MCM8: variants seen among roughly 807,000 people sequenced by gnomAD.
MCM8 encodes the protein minichromosome maintenance 8 homologous recombination repair factor.
In MCM8, 85 loss-of-function variants were observed where a neutral mutation model predicts 98.9. The observed-to-expected ratio is 0.86, with a 90% confidence interval of 0.72 to 1.03. The LOEUF (loss-of-function observed/expected upper bound fraction) is 1.03, where lower values mean the gene tolerates loss of function less well. MCM8 is among the 50% of genes least tolerant of loss of function. MCM8 has a pLI of 0.00. For synonymous variants in MCM8, 352 were observed against 338.6 expected, an observed-to-expected ratio of 1.04 and a Z score of -0.44; for missense variants, 951 against 997.8, an observed-to-expected ratio of 0.95 and a Z score of 0.63.
At chr20:5,963,841 G>A (rs1348617559) in intron 8 of MCM8, among the ~76,000 whole-genome samples, 1 of 152,060 alleles carries the variant, frequency 6.6e-6, no homozygotes, top group African/African-American at 2.4e-5. Flanking sequence ...TAGCCTAATT[G>A]TCTTTATTTG....
intron 17 of MCM8, chr20:5,991,043 C>T (rs1600314113): frequency 6.6e-6 from 1 of 152,218 alleles, no homozygotes; most frequent in East Asian, 1.9e-4. Context: ...AAGGGGTACA[C>T]TACCCTGCTC....
chr20:5,968,005 C>T lies in MCM8; in HGVS notation c.1203C>T (p.Asn401=), dbSNP rs760889339. Residue 401 remains asparagine (N), a synonymous_variant, in exon 10 of 19, where the codon AAC becomes AAT. Transcript: ENST00000610722. Reference sequence around the variant, plus strand: ...TCCAAGAGATTCAAGCTGAAGAAAACCTGTTTAAACTCATTGTCAAGTATG... The same window carrying T: ...TCCAAGAGATTCAAGCTGAAGAAAATCTGTTTAAACTCATTGTCAAGTATG... The part of the protein sequence containing the change: ...YAIQEIQAEE[N]LFKLIVNSLC... 5 of 1,609,658 alleles carry T rather than the reference C, an allele frequency of 3.1e-6. No individual in the cohort carries two copies. Among genetic ancestry groups the T allele is most frequent in the Non-Finnish European group, 3.4e-6 (4 of 1,178,658 alleles).
At position 5,985,991 on chromosome 20, in the gene MCM8, C is replaced by T. The variant is rs1445586485; in HGVS notation, c.2023C>T (p.Gln675Ter). 6.2e-7 allele frequency: 1 copy of T among 1,614,216 alleles called. No homozygotes were observed. The highest frequency in any genetic ancestry group is 8.5e-7 in the Non-Finnish European group (1 of 1,180,034). ...LLRKYIGYARQYVYPRLSTEA... is the reference protein window; with the variant it reads ...LLRKYIGYAR ...GAGAAAGTACATTGGCTATGCTCGG[C>T]AGTATGTGTACCCAAGGCTATCCAC... Residue 675 changes from glutamine to a stop codon, truncating the protein, a stop_gained, in exon 16 of 19, where the codon CAG becomes TAG. Transcript: ENST00000610722. LOFTEE classifies it high-confidence loss of function.
chr20:5,964,154 TTGTG>T (rs1187998339), intron 8 of MCM8, among the ~76,000 whole-genome samples: 33 of 152,068 alleles, frequency 2.2e-4, no homozygotes, highest in African/African-American at 7.7e-4. Context: ...AGAGTTTTCT[TTGTG>T]TATGTGTTTT....
At chr20:5,972,939 T>G (rs578054938) in intron 11 of MCM8, 117 bp from the exon 12 acceptor site, 2 of 1,374,478 alleles carry the variant, frequency 1.5e-6, no homozygotes, top group African/African-American at 1.5e-5. Flanking sequence ...AAAAAAATTA[T>G]CATGCTTTTA....
rs1368552507 is a variant in MCM8 at position 5,996,784 on chromosome 20, G to A, written c.*2393G>A. ...ATGTATTTAGCATCCATTAATCACA[G>A]GGCCAAACTAACAACAAAAGTTGTT... On this transcript the variant is annotated 3_prime_UTR_variant, in exon 19 of 19. Transcript: ENST00000610722. The A allele has an allele frequency of 6.6e-6, 1 of 152,200 alleles. No individual in the cohort carries two copies. Among genetic ancestry groups the A allele is most frequent in the Non-Finnish European group, 1.5e-5 (1 of 68,042 alleles). 9.4% of individuals were successfully genotyped at this position (152,200 alleles called of 1,614,324 possible).
At chr20:5,980,344 C>T (rs1162414180) in intron 13 of MCM8, among the ~76,000 whole-genome samples, 1 of 152,098 alleles carries the variant, frequency 6.6e-6, no homozygotes, top group Non-Finnish European at 1.5e-5. Context: ...TTTTCAGTGC[C>T]ATACTCGGCA....
chr20:5,964,119 CTTT>C (rs11478703), intron 8 of MCM8, among the ~76,000 whole-genome samples: 18 of 123,982 alleles, frequency 1.5e-4, no homozygotes, highest in Non-Finnish European at 2.3e-4. Context: ...TTTTTAATAG[CTTT>C]TTTTTTTTTT....
intron 16 of MCM8, 113 bp from the exon 17 acceptor site, chr20:5,987,169 T>C: frequency 9.9e-7 from 1 of 1,007,680 alleles, no homozygotes; most frequent in Non-Finnish European, 1.5e-6. Context: ...GTTATAACCT[T>C]CCTCGCCTAA....
In MCM8 at chr20:5,958,676, G is replaced by C. The variant is rs763340273; in HGVS notation, c.739G>C (p.Glu247Gln). The C allele has an allele frequency of 2.5e-6, 4 of 1,614,008 alleles. No homozygotes were observed. The African/African-American group carries it at 5.3e-5, about 22-fold the overall frequency. ...GGCTTTTCTTTGTGCTGCATGTGGAGAAATTCAGAGCTTTCCTCTTCCAGA... is the reference window on the plus strand; with the variant it reads ...GGCTTTTCTTTGTGCTGCATGTGGACAAATTCAGAGCTTTCCTCTTCCAGA... The part of the protein sequence containing the change: ...KMAFLCAACG[E>Q]IQSFPLPDGK... The change falls in exon 7 of 19, where the codon GAA becomes CAA. Residue 247 changes from glutamate to glutamine, a missense_variant. Glu to Gln is a conservative substitution (Grantham distance 29). Transcript: ENST00000610722.
In MCM8 at chr20:5,967,458, G is replaced by T. The variant is rs747529960; in HGVS notation, c.898G>T (p.Asp300Tyr). The T allele has an allele frequency of 5.0e-6, 8 of 1,613,804 alleles. No individual in the cohort carries two copies. Among genetic ancestry groups the T allele is most frequent in the Non-Finnish European group, 5.9e-6 (7 of 1,179,864 alleles). The change falls in exon 9 of 19, where the codon GAT (aspartate) becomes TAT (tyrosine). Residue 300 changes from aspartate (D) to tyrosine (Y), a missense_variant. Physicochemically the swap from Asp to Tyr is radical, Grantham distance 160. Transcript: ENST00000610722. ...TAGAATCCAGGAATTGATGTCTGAT[G>T]ATCAGAGAGAAGCAGGTCGGATTCC... The part of the protein sequence containing the change: ...SIKIQELMSD[D>Y]QREAGRIPRT...
rs1209865331 is a variant in MCM8, at chr20:5,958,636, T to C, written c.699T>C (p.Pro233=). ...GTVVRVSNIK[P]LCTKMAFLCA... is the part of the protein sequence containing the mutation. ...TGGTTCGTGTCAGTAATATAAAGCCTCTTTGCACCAAGATGGCTTTTCTTT... is the reference window on the plus strand; with the variant it reads ...TGGTTCGTGTCAGTAATATAAAGCCCCTTTGCACCAAGATGGCTTTTCTTT... Residue 233 remains proline, a synonymous_variant, in exon 7 of 19, where the codon CCT becomes CCC. Coordinates refer to ENST00000610722, the MANE Select transcript of MCM8 (RefSeq NM_032485.6). 1 of 1,614,130 alleles carries C rather than the reference T, an allele frequency of 6.2e-7. No homozygotes were observed. The highest frequency in any genetic ancestry group is 1.7e-5 in the Admixed American group (1 of 60,028).
chr20:5,990,598 A>G (rs2089831422), intron 17 of MCM8, among the ~76,000 whole-genome samples: 1 of 152,172 alleles, frequency 6.6e-6, no homozygotes, highest in African/African-American at 2.4e-5. Context: ...GTGTGCTAGC[A>G]TATGAAGTAA....
Position 5,955,158 on chromosome 20 carries a change from TGGTG to T in MCM8, c.394_397del (p.Gly132LysfsTer2), listed in dbSNP as rs1276945255. On this transcript the variant is annotated frameshift_variant, in exon 5 of 19. Coordinates refer to ENST00000610722, the MANE Select transcript of MCM8 (RefSeq NM_032485.6). LOFTEE classifies it high-confidence loss of function. The stretch of plus-strand genomic sequence containing the variant: ...TAGATTTTAAAGAACTGACAGAAGG[TGGTG>T]AAGTAACTAACTTGATACCAGATAT... The T allele has an allele frequency of 6.2e-7, 1 of 1,612,130 alleles. No individual in the cohort carries two copies.
intron 10 of MCM8, 88 bp downstream of exon 10, chr20:5,968,113 G>T (rs1263150115): frequency 4.6e-6 from 5 of 1,080,800 alleles, no homozygotes; most frequent in Non-Finnish European, 6.8e-6. Context: ...AGTCAAAATG[G>T]TCGGCAAACT....
intron 18 of MCM8, 82 bp from the exon 19 acceptor site, chr20:5,994,217 A>T: frequency 1.3e-6 from 1 of 768,702 alleles, no homozygotes; most frequent in Non-Finnish European, 2.0e-6. Context: ...ACAGGTACAT[A>T]TTATTATTTG....
intron 7 of MCM8, among the ~76,000 whole-genome samples, chr20:5,961,301 A>G (rs149927524): frequency 1.5e-4 from 23 of 152,350 alleles, no homozygotes; most frequent in Admixed American, 3.9e-4. Context: ...CCATGGATGT[A>G]TAATGTTTCC....
At position 5,969,362 on chromosome 20, in the gene MCM8, C is replaced by T. The variant is rs1485643692; in HGVS notation, c.1223+1337C>T. Among the ~76,000 whole-genome samples, 6 of 152,134 alleles carry T rather than the reference C, an allele frequency of 3.9e-5. No individual in the cohort carries two copies. In the East Asian group the frequency reaches 7.7e-4, roughly 20 times the overall value. On this transcript the variant is annotated intron_variant, in intron 10 of 18. Transcript: ENST00000610722. The stretch of plus-strand genomic sequence containing the variant: ...ATCCCAGCACTTTGGGAGGCCGAGG[C>T]GGGTGGATCACCTGAGGTCAGGAGT...
chr20:5,956,818 T>A (rs1328706573), intron 5 of MCM8, among the ~76,000 whole-genome samples: 1 of 151,780 alleles, frequency 6.6e-6, no homozygotes, highest in Non-Finnish European at 1.5e-5. Flanking sequence ...TTTTTTTTTT[T>A]AATTAGTATC....
Sources: allele counts gnomAD v4.1 joint callset (sites outside exome capture counted in the v4.1 genomes callset), GRCh38; gene constraint gnomAD v4.1.1; transcripts MANE v1.5; gene names NCBI Gene and HGNC (gene_info 2026-07-23, HGNC 2026-07-21).